Variants in FBXW8 observed in about 807,000 individuals in gnomAD.
The protein encoded by FBXW8 is F-box and WD repeat domain containing 8, also known as F-box/WD repeat-containing protein 8.
FBXW8 carries 57 observed loss-of-function variants against 65.3 expected under a neutral mutation model. The observed-to-expected ratio is 0.87, with a 90% CI of 0.71 to 1.09. The LOEUF (loss-of-function observed/expected upper bound fraction) is 1.09, where lower values mean the gene tolerates loss of function less well. FBXW8 is among the 50% of genes least tolerant of loss of function. FBXW8 has a pLI of 0.00. For synonymous variants in FBXW8, 308 were observed against 330.2 expected (o/e 0.93, Z 0.73); for missense variants, 777 against 814.8 (o/e 0.95, Z 0.57).
chr12:116,953,689 C>T (rs919335911), intron 4 of FBXW8, among the ~76,000 whole-genome samples: 7 of 150,890 alleles, frequency 4.6e-5, no homozygotes, highest in African/African-American at 1.2e-4. Context: ...AGGAGAATGG[C>T]GTGAACCCAG....
chr12:116,925,905 A>G (rs1338527174), intron 1 of FBXW8, among the ~76,000 whole-genome samples: 2 of 150,148 alleles, frequency 1.3e-5, no homozygotes, highest in South Asian at 4.1e-4. Flanking sequence ...GAACAGGTGT[A>G]TCAGTTTGAA....
chr12:116,989,652 A>C (rs1953186943), intron 7 of FBXW8, among the ~76,000 whole-genome samples: 1 of 152,204 alleles, frequency 6.6e-6, no homozygotes, highest in Non-Finnish European at 1.5e-5. Context: ...CTAAAAGCTG[A>C]TTTATAGAAC....
At chr12:116,931,890 G>A (rs776137423) in intron 2 of FBXW8, among the ~76,000 whole-genome samples, 33 of 151,952 alleles carry the variant, frequency 2.2e-4, no homozygotes, top group Non-Finnish European at 3.7e-4. Context: ...GTACTATGTT[G>A]AATGGAAATG....
chr12:116,998,778 GCATGTCCAGA>G (rs1953441259), intron 7 of FBXW8, among the ~76,000 whole-genome samples: 1 of 152,218 alleles, frequency 6.6e-6, no homozygotes, highest in Non-Finnish European at 1.5e-5. Flanking sequence ...TGCTTCCCCT[GCATGTCCAGA>G]CAGTTGAGAC....
intron 1 of FBXW8, among the ~76,000 whole-genome samples, chr12:116,917,061 A>G (rs1471455525): frequency 2.6e-5 from 4 of 152,178 alleles, no homozygotes; most frequent in African/African-American, 4.8e-5. Flanking sequence ...TGAAGTCTGC[A>G]TAGGTCATGT....
intron 8 of FBXW8, among the ~76,000 whole-genome samples, chr12:117,015,407 C>T (rs1953928829): frequency 6.6e-6 from 1 of 152,120 alleles, no homozygotes; most frequent in African/African-American, 2.4e-5. Flanking sequence ...GAACGTCCTC[C>T]TTTCTTTTCA....
At chr12:116,923,170 C>A (rs1218099123) in intron 1 of FBXW8, among the ~76,000 whole-genome samples, 1 of 152,066 alleles carries the variant, frequency 6.6e-6, no homozygotes, top group Non-Finnish European at 1.5e-5. Context: ...CGTGCCACTG[C>A]ACTCCAGACT....
At chr12:116,930,997 A>G (rs1171152791) in intron 2 of FBXW8, among the ~76,000 whole-genome samples, 7 of 152,176 alleles carry the variant, frequency 4.6e-5, no homozygotes. Flanking sequence ...TTGTAAGGAC[A>G]GGGTCTTGCT....
chr12:116,915,011 C>T (rs566277415), intron 1 of FBXW8, among the ~76,000 whole-genome samples: 148 of 152,338 alleles, frequency 9.7e-4, no homozygotes, highest in Non-Finnish European at 1.6e-3. Flanking sequence ...CTTCATTTCT[C>T]CCAACAACTC....
chr12:116,940,493 CT>C (rs35452609), intron 2 of FBXW8, among the ~76,000 whole-genome samples: 115 of 137,360 alleles, frequency 8.4e-4, no homozygotes, highest in African/African-American at 2.2e-3. Flanking sequence ...GGATGGTGGG[CT>C]TTTTTTTTTT....
At chr12:117,011,992 T>C (rs1953830845) in intron 8 of FBXW8, among the ~76,000 whole-genome samples, 2 of 152,036 alleles carry the variant, frequency 1.3e-5, no homozygotes, top group South Asian at 4.2e-4. Flanking sequence ...CTAGAGATGG[T>C]TTTTAATGGA....
At chr12:117,023,302 G>GTCTT (rs1015429812) in intron 8 of FBXW8, among the ~76,000 whole-genome samples, 12 of 152,148 alleles carry the variant, frequency 7.9e-5, no homozygotes, top group Non-Finnish European at 1.6e-4. Context: ...AGATGCTGGG[G>GTCTT]TCTTTCTTTT....
At chr12:116,983,241 G>A (rs945860487) in intron 5 of FBXW8, among the ~76,000 whole-genome samples, 9 of 152,168 alleles carry the variant, frequency 5.9e-5, no homozygotes, top group African/African-American at 1.9e-4. Flanking sequence ...TGGGAGAGCC[G>A]ATCTCCCATC....
intron 8 of FBXW8, among the ~76,000 whole-genome samples, chr12:117,015,946 A>G (rs1323399291): frequency 6.6e-6 from 1 of 152,212 alleles, no homozygotes; most frequent in African/African-American, 2.4e-5. Flanking sequence ...ATGACCTTTT[A>G]TGACTGGCTT....
intron 5 of FBXW8, chr12:116,977,639 TAG>T (rs1446894206): frequency 3.9e-5 from 6 of 152,196 alleles, no homozygotes; most frequent in Non-Finnish European, 8.8e-5. Flanking sequence ...CTCTTCGGGA[TAG>T]AGTCTATATC....
At chr12:116,919,555 T>A (rs181468699) in intron 1 of FBXW8, among the ~76,000 whole-genome samples, 1 of 152,350 alleles carries the variant, frequency 6.6e-6, no homozygotes, top group Non-Finnish European at 1.5e-5. Context: ...GCTATTTTAC[T>A]TCCTCTTTAC....
intron 1 of FBXW8, among the ~76,000 whole-genome samples, chr12:116,915,746 G>A (rs758801742): frequency 1.4e-5 from 2 of 145,198 alleles, no homozygotes; most frequent in Non-Finnish European, 1.5e-5. Context: ...CTGACTTCCC[G>A]GGTTCAAGTG....
intron 7 of FBXW8, among the ~76,000 whole-genome samples, chr12:116,993,102 T>TC (rs1284834084): frequency 7.3e-6 from 1 of 136,948 alleles, no homozygotes; most frequent in Non-Finnish European, 1.6e-5. Flanking sequence ...TTTTGACTTT[T>TC]TTTTTTTTTT....
In FBXW8 at chr12:117,010,586, C is replaced by T; in HGVS notation, c.1367+136C>T. On this transcript the variant is annotated intron_variant, in intron 8 of 10. Coordinates refer to ENST00000652555, the MANE Select transcript of FBXW8 (RefSeq NM_153348.3). ...GAGTTCAGCCCCGATCCCATAAACA[C>T]TCTAGACTCAGAGAACAAAGTCCTG... The T allele has an allele frequency of 3.6e-6, 4 of 1,121,708 alleles. 1 individual carries two copies. The highest frequency in any genetic ancestry group is 2.6e-6 in the Non-Finnish European group (2 of 776,606). The allele number at this position is 1,121,708 out of a possible 1,614,324, so 69.5% of individuals were successfully genotyped here. A position where few individuals can be genotyped will look rare whatever the true frequency, so the allele number is the denominator to read the frequency against.
Sources: allele counts gnomAD v4.1 joint callset (sites outside exome capture counted in the v4.1 genomes callset), GRCh38; gene constraint gnomAD v4.1.1; transcripts MANE v1.5; gene names NCBI Gene and HGNC (gene_info 2026-07-23, HGNC 2026-07-21).